Variants in RIT2 observed in about 807,000 individuals in gnomAD.
The protein encoded by RIT2 is GTP-binding protein Rit2.
RIT2 carries 24 observed loss-of-function variants against 23.7 expected under a neutral mutation model. The ratio of observed to expected loss-of-function variants is 1.01; its 90% CI spans 0.73 to 1.43. The LOEUF is 1.43. RIT2 is among the 40% of genes most tolerant of loss of function. The pLI is 0.00. For missense variants in RIT2, 236 were observed against 266.9 expected (o/e 0.88, Z 0.81); for synonymous variants, 107 against 91.1 (o/e 1.17, Z -0.99).
chr18:42,820,614 G>A lies in RIT2; in HGVS notation c.427-76894C>T, dbSNP rs145532184. On this transcript the variant is annotated intron_variant, in intron 4 of 4. Transcript: ENST00000326695. Reference sequence around the variant, plus strand: ...TTCACCTTGGTTTGCCTTCGCCCTTGTACTGAAAGTCACCAAGCCTATTAA... The same window carrying A: ...TTCACCTTGGTTTGCCTTCGCCCTTATACTGAAAGTCACCAAGCCTATTAA... Among the ~76,000 whole-genome samples the A allele has an allele frequency of 3.9e-4, 60 of 152,200 alleles. 2 individuals are homozygous for A. In the East Asian group the frequency reaches 0.012, roughly 29 times the overall value.
intron 1 of RIT2, among the ~76,000 whole-genome samples, chr18:43,066,925 C>T (rs537111934): frequency 6.7e-6 from 1 of 150,206 alleles, no homozygotes; most frequent in African/African-American, 2.5e-5. Context: ...CAACTAGATC[C>T]CTGTGATTGT....
At chr18:42,930,048 A>G (rs894261284) in intron 3 of RIT2, among the ~76,000 whole-genome samples, 2 of 152,130 alleles carry the variant, frequency 1.3e-5, no homozygotes, top group African/African-American at 2.4e-5. Flanking sequence ...AAACAATGCT[A>G]CAGAAAGAGG....
intron 4 of RIT2, among the ~76,000 whole-genome samples, chr18:42,744,245 A>G (rs1229694584): frequency 6.6e-6 from 1 of 152,172 alleles, no homozygotes; most frequent in Non-Finnish European, 1.5e-5. Context: ...GGTGATTAAA[A>G]GCTTTATTGC....
intron 1 of RIT2, among the ~76,000 whole-genome samples, chr18:43,115,127 A>G (rs79407902): frequency 0.01 from 1,548 of 152,238 alleles, 46 homozygotes; most frequent in African/African-American, 0.035. Flanking sequence ...ACTTATTTTT[A>G]TTATTAAAAA....
At chr18:42,864,460 A>T (rs1907414966) in intron 4 of RIT2, among the ~76,000 whole-genome samples, 1 of 152,166 alleles carries the variant, frequency 6.6e-6, no homozygotes. Context: ...GTGTACTCTG[A>T]TGGGAAGTCA....
intron 4 of RIT2, among the ~76,000 whole-genome samples, chr18:42,862,355 A>G (rs1029386183): frequency 2.0e-5 from 3 of 152,158 alleles, no homozygotes; most frequent in African/African-American, 7.2e-5. Context: ...CTCCCCAGCC[A>G]TGTGGACCTG....
At chr18:42,819,468 T>C (rs1906089403) in intron 4 of RIT2, among the ~76,000 whole-genome samples, 2 of 152,090 alleles carry the variant, frequency 1.3e-5, no homozygotes, top group African/African-American at 4.8e-5. Flanking sequence ...GTTGTTGTTG[T>C]TTTTCCTTCT....
chr18:43,038,188 G>T (rs1202306262), intron 1 of RIT2, among the ~76,000 whole-genome samples: 2 of 127,198 alleles, frequency 1.6e-5, no homozygotes, highest in African/African-American at 5.7e-5. Flanking sequence ...CTGGGCGACA[G>T]AGTGAGACTC....
intron 4 of RIT2, among the ~76,000 whole-genome samples, chr18:42,869,618 T>C (rs190269117): frequency 6.6e-6 from 1 of 152,332 alleles, no homozygotes; most frequent in East Asian, 1.9e-4. Flanking sequence ...GATGTAAAAG[T>C]TGTTTGAACC....
chr18:42,920,873 A>T, intron 4 of RIT2: 2 of 718,996 alleles, frequency 2.8e-6, no homozygotes, highest in Non-Finnish European at 4.8e-6. Flanking sequence ...CACTCTAGGA[A>T]TTCTCAGAGA....
At chr18:43,076,199 G>T (rs1009735245) in intron 1 of RIT2, among the ~76,000 whole-genome samples, 1 of 152,122 alleles carries the variant, frequency 6.6e-6, no homozygotes, top group Non-Finnish European at 1.5e-5. Flanking sequence ...AGCTTAAAAC[G>T]TTACTACTGA....
chr18:42,815,102 C>T (rs1207125542), intron 4 of RIT2, among the ~76,000 whole-genome samples: 1 of 152,114 alleles, frequency 6.6e-6, no homozygotes, highest in African/African-American at 2.4e-5. Flanking sequence ...AGTAATATGG[C>T]AAAACAAGGT....
At chr18:42,957,367 C>A (rs1909996485) in intron 3 of RIT2, among the ~76,000 whole-genome samples, 1 of 152,124 alleles carries the variant, frequency 6.6e-6, no homozygotes, top group South Asian at 2.1e-4. Context: ...AACTGTCTTG[C>A]CAATCCCTGT....
At chr18:42,858,896 G>T (rs1907256132) in intron 4 of RIT2, among the ~76,000 whole-genome samples, 1 of 151,994 alleles carries the variant, frequency 6.6e-6, no homozygotes, top group Admixed American at 6.5e-5. Context: ...TCATTTCTTT[G>T]CATTGCTAAA....
At chr18:43,066,062 T>G (rs1225902141) in intron 1 of RIT2, among the ~76,000 whole-genome samples, 1 of 152,200 alleles carries the variant, frequency 6.6e-6, no homozygotes, top group Non-Finnish European at 1.5e-5. Flanking sequence ...CCAAAAATTA[T>G]TTCAATGGTT....
At chr18:42,887,116 A>G (rs1908043207) in intron 4 of RIT2, among the ~76,000 whole-genome samples, 1 of 152,178 alleles carries the variant, frequency 6.6e-6, no homozygotes, top group African/African-American at 2.4e-5. Flanking sequence ...CTTTGGAGAA[A>G]AAGATATAAT....
intron 3 of RIT2, among the ~76,000 whole-genome samples, chr18:42,970,234 C>T (rs1468111600): frequency 1.3e-5 from 2 of 151,584 alleles, no homozygotes; most frequent in African/African-American, 4.9e-5. Flanking sequence ...TAAAGAAATT[C>T]TCAGCTCATT....
chr18:42,809,896 TATTATATA>T (rs1905790716), intron 4 of RIT2, among the ~76,000 whole-genome samples: 4 of 123,402 alleles, frequency 3.2e-5, no homozygotes, highest in African/African-American at 1.6e-4. Context: ...ATGTTATATA[TATTATATA>T]TAATATATAT....
At chr18:42,828,111 G>A (rs954536845) in intron 4 of RIT2, among the ~76,000 whole-genome samples, 8 of 151,218 alleles carry the variant, frequency 5.3e-5, no homozygotes, top group Non-Finnish European at 8.8e-5. Flanking sequence ...TTTGACAATC[G>A]TAAGTGCTGA....
Sources: allele counts gnomAD v4.1 joint callset (sites outside exome capture counted in the v4.1 genomes callset), GRCh38; gene constraint gnomAD v4.1.1; transcripts MANE v1.5; gene names NCBI Gene and HGNC (gene_info 2026-07-23, HGNC 2026-07-21).